Variants in POU2F2 observed in about 807,000 individuals in gnomAD.
The protein encoded by POU2F2 is POU class 2 homeobox 2, also known as POU domain, class 2, transcription factor 2.
Under a neutral mutation model 63.5 loss-of-function variants are expected in POU2F2, and 14 were observed. The ratio of observed to expected loss-of-function variants is 0.22; its 90% CI spans 0.15 to 0.34. POU2F2 has a LOEUF of 0.34. Ranked by LOEUF, POU2F2 falls within the 10% of genes least tolerant of loss-of-function variation. The pLI is 1.00. For missense variants in POU2F2, 607 were observed against 815.2 expected (o/e 0.74, Z 3.11); for synonymous variants, 306 against 348.6 (o/e 0.88, Z 1.36).
chr19:42,192,444 C>A (rs2035084311), intron 1 of POU2F2, among the ~76,000 whole-genome samples: 1 of 152,180 alleles, frequency 6.6e-6, no homozygotes, highest in Admixed American at 6.5e-5. Flanking sequence ...GGGGTTGGAT[C>A]TAACTCATCT....
intron 5 of POU2F2, among the ~76,000 whole-genome samples, chr19:42,106,318 C>G (rs1414712452): frequency 1.3e-5 from 2 of 152,114 alleles, no homozygotes; most frequent in Admixed American, 6.6e-5. Context: ...ACCATGTTGG[C>G]TAGGCTGGTC....
At chr19:42,139,959 G>A (rs2034094295) in intron 2 of POU2F2, among the ~76,000 whole-genome samples, 4 of 152,226 alleles carry the variant, frequency 2.6e-5, no homozygotes, top group Admixed American at 2.6e-4. Context: ...GAGGCCCACA[G>A]TCACACAATG....
In POU2F2 at chr19:42,153,601, T is replaced by C. The variant is rs1179283940; in HGVS notation, c.-9+6731A>G. ...CTTCAGGGATCTGCGCGGTGGTCTCTATGTGTACTGGAAGCAGGTTCTCCT... is the reference window on the plus strand; with the variant it reads ...CTTCAGGGATCTGCGCGGTGGTCTCCATGTGTACTGGAAGCAGGTTCTCCT... On this transcript the variant is annotated intron_variant, in intron 2 of 6. Coordinates refer to the POU2F2 transcript ENST00000524801. This position sits in a 1 kb window ranked among gnomAD's most constrained non-coding sequence, Gnocchi z 5.6. 6.6e-6 allele frequency among the ~76,000 whole-genome samples: 1 copy of C among 151,942 alleles called. No homozygotes were observed. The highest frequency in any genetic ancestry group is 2.4e-5 in the African/African-American group (1 of 41,340).
rs558089726 is a variant in POU2F2 at position 42,108,374 on chromosome 19, T to C, written c.370-8553A>G. Among the ~76,000 whole-genome samples, 30 of 152,248 alleles carry C rather than the reference T, an allele frequency of 2.0e-4. No homozygotes were observed. The East Asian group carries it at 4.1e-3, about 21-fold the overall frequency. On this transcript the variant is annotated intron_variant, in intron 5 of 14. Coordinates refer to ENST00000692977, the MANE Select transcript of POU2F2 (RefSeq NM_001394376.1). ...GGGAGGCTGAGACAGGTGGATTGCT[T>C]GAGCCCAGGAGTTCCAGACCAGCCT...
intron 1 of POU2F2, among the ~76,000 whole-genome samples, chr19:42,131,639 C>G (rs1180428860): frequency 6.6e-6 from 1 of 152,248 alleles, no homozygotes; most frequent in Non-Finnish European, 1.5e-5. Flanking sequence ...ACAATGTTCA[C>G]TCAGCCAACT....
intron 1 of POU2F2, among the ~76,000 whole-genome samples, chr19:42,167,253 G>A (rs1458085377): frequency 3.3e-5 from 5 of 152,132 alleles, no homozygotes; most frequent in Admixed American, 6.5e-5. Context: ...TCAGGAGTTC[G>A]AGACCAGCCT....
At chr19:42,182,015 C>T (rs1486591920) in intron 1 of POU2F2, among the ~76,000 whole-genome samples, 2 of 151,996 alleles carry the variant, frequency 1.3e-5, no homozygotes, top group Non-Finnish European at 2.9e-5. Context: ...CTTATAATCT[C>T]TGAGGATAAA....
chr19:42,181,197 C>T (rs965099609), intron 1 of POU2F2, among the ~76,000 whole-genome samples: 2 of 152,246 alleles, frequency 1.3e-5, no homozygotes, highest in African/African-American at 2.4e-5. Context: ...CGCCCAGCCC[C>T]GAGTCATGAT....
At chr19:42,176,652 C>T (rs2146809420), upstream of POU2F2, among the ~76,000 whole-genome samples, 1 of 152,044 alleles carries the variant, frequency 6.6e-6, no homozygotes, top group Non-Finnish European at 1.5e-5. Flanking sequence ...TTCTTTCCAT[C>T]CCTGCCCCCC....
Position 42,096,268 on chromosome 19 carries a change from G to T in POU2F2, c.568-25C>A. ...CCTGGTGGGGTGGGCAGGTGGGTGG[G>T]ATGCAGGGCGGAGGACCAGGATGGG... On this transcript the variant is annotated intron_variant, in intron 7 of 14. Transcript: ENST00000692977. The surrounding 1 kb of genome is among the most constrained non-coding windows in gnomAD (Gnocchi z 4.1). 1 of 1,516,904 alleles carries T rather than the reference G, an allele frequency of 6.6e-7. No homozygotes were observed. Among genetic ancestry groups the T allele is most frequent in the Non-Finnish European group, 8.9e-7 (1 of 1,129,366 alleles). 94.0% of individuals were successfully genotyped at this position (1,516,904 alleles called of 1,614,324 possible).
At position 42,119,616 on chromosome 19, in the gene POU2F2, G is replaced by A. The variant is rs565629018; in HGVS notation, c.187-2184C>T. Among the ~76,000 whole-genome samples, 337 of 152,280 alleles carry A rather than the reference G, an allele frequency of 2.2e-3. 1 individual carries two copies. The highest frequency in any genetic ancestry group is 7.8e-3 in the African/African-American group (326 of 41,574). On this transcript the variant is annotated intron_variant, in intron 4 of 14. Coordinates refer to ENST00000692977, the MANE Select transcript of POU2F2 (RefSeq NM_001394376.1). ...TGAAGCCGGGAGGTGGAGGTGCAGT[G>A]AGCCAAGATGGTGCCATCGCACTCC...
chr19:42,171,090 T>C (rs796904695), intron 1 of POU2F2, among the ~76,000 whole-genome samples: 2 of 152,368 alleles, frequency 1.3e-5, no homozygotes, highest in East Asian at 1.9e-4. Flanking sequence ...GGGATTCCGA[T>C]GTACCCTGTT....
intron 14 of POU2F2, 112 bp from the exon 15 acceptor site, chr19:42,091,703 C>A (rs2076722038): frequency 6.4e-7 from 1 of 1,551,362 alleles, no homozygotes; most frequent in African/African-American, 1.4e-5. Context: ...CCCACTGACC[C>A]CCATCAGCAC....
At chr19:42,135,640 C>T (rs529912021), upstream of POU2F2, among the ~76,000 whole-genome samples, 1 of 151,852 alleles carries the variant, frequency 6.6e-6, no homozygotes, top group African/African-American at 2.4e-5. Context: ...CTTCTAGGCT[C>T]AAGCCTATTT....
chr19:42,131,894 C>T (rs976670023), intron 1 of POU2F2, among the ~76,000 whole-genome samples: 1 of 152,114 alleles, frequency 6.6e-6, no homozygotes, highest in Non-Finnish European at 1.5e-5. Flanking sequence ...CAGCCCCCTA[C>T]ACTCACAAGC....
At chr19:42,138,801 G>A (rs1366390403) in intron 2 of POU2F2, among the ~76,000 whole-genome samples, 7 of 152,126 alleles carry the variant, frequency 4.6e-5, no homozygotes, top group Non-Finnish European at 7.4e-5. Flanking sequence ...GGGAAGCAGG[G>A]GGAAGACACT....
intron 1 of POU2F2, among the ~76,000 whole-genome samples, chr19:42,187,199 C>T (rs1295956990): frequency 6.6e-6 from 1 of 152,136 alleles, no homozygotes; most frequent in African/African-American, 2.4e-5. Context: ...TGCAGTGGTT[C>T]ACGCCTGTAA....
intron 1 of POU2F2, among the ~76,000 whole-genome samples, chr19:42,131,681 C>T (rs868556921): frequency 1.8e-4 from 28 of 152,326 alleles, no homozygotes; most frequent in African/African-American, 6.5e-4. Flanking sequence ...TTAATAAGCA[C>T]ACAAACAAAC....
intron 12 of POU2F2, chr19:42,093,613 T>G (rs1403907794): frequency 2.4e-6 from 1 of 411,568 alleles, no homozygotes; most frequent in Non-Finnish European, 4.3e-6. Context: ...GCCCATGCTT[T>G]TCTCATATGA....
Sources: allele counts gnomAD v4.1 joint callset (sites outside exome capture counted in the v4.1 genomes callset), GRCh38; gene constraint gnomAD v4.1.1; non-coding constraint Gnocchi (gnomAD v3.1); transcripts MANE v1.5; gene names NCBI Gene and HGNC (gene_info 2026-07-23, HGNC 2026-07-21).